Variants in HNRNPUL2 observed in about 807,000 individuals in gnomAD.
HNRNPUL2 encodes the protein heterogeneous nuclear ribonucleoprotein U-like protein 2.
A neutral mutation model predicts 102.2 loss-of-function variants in HNRNPUL2; 27 were observed. That is an observed-to-expected ratio of 0.26 (90% CI 0.19 to 0.36). HNRNPUL2 has a LOEUF of 0.36. Ranked by LOEUF, HNRNPUL2 falls within the 10% of genes least tolerant of loss-of-function variation. The probability of loss-of-function intolerance (pLI) is 1.00; values close to 1 mark genes in which losing one functional copy is unlikely to be tolerated. For missense variants in HNRNPUL2, 936 were observed against 981.1 expected (o/e 0.95, Z 0.61); for synonymous variants, 458 against 387.2 (o/e 1.18, Z -2.15).
Position 62,726,970 on chromosome 11 carries a change from G to T in HNRNPUL2, c.187C>A (p.Pro63Thr). ...PGGACKAEPR[P>T]VAASGGGPGG... ...GGGCCGCCGCCCGACGCGGCCACAG[G>T]CCGAGGCTCCGCCTTGCAGGCCCCG... Residue 63 changes from proline to threonine, a missense_variant, in exon 1 of 14, where the codon CCT becomes ACT. Around this residue, in one of 2 missense-constraint regions of HNRNPUL2, gnomAD observed 327 missense variants for 268.1 expected, o/e 1.22. Coordinates refer to ENST00000301785, the MANE Select transcript of HNRNPUL2 (RefSeq NM_001079559.3). 1 of 1,421,470 alleles carries T rather than the reference G, an allele frequency of 7.0e-7. No individual in the cohort carries two copies. The highest frequency in any genetic ancestry group is 9.2e-7 in the Non-Finnish European group (1 of 1,092,266). 88.1% of individuals were successfully genotyped at this position (1,421,470 alleles called of 1,614,324 possible). A position where few individuals can be genotyped will look rare whatever the true frequency, so the allele number is the denominator to read the frequency against.
chr11:62,715,987 C>A, intron 11 of HNRNPUL2, 50 bp from the exon 12 acceptor site: 1 of 1,438,522 alleles, frequency 7.0e-7, no homozygotes, highest in South Asian at 1.3e-5. Flanking sequence ...GGGGTCCTGG[C>A]TCCACATCTG....
chr11:62,724,927 T>C (rs1005046398), intron 1 of HNRNPUL2, among the ~76,000 whole-genome samples: 2 of 152,210 alleles, frequency 1.3e-5, no homozygotes, highest in African/African-American at 4.8e-5. Flanking sequence ...TCCATGGCTT[T>C]ATTCATGTGG....
chr11:62,726,106 G>C (rs2083743608), intron 1 of HNRNPUL2, among the ~76,000 whole-genome samples: 1 of 152,188 alleles, frequency 6.6e-6, no homozygotes, highest in Non-Finnish European at 1.5e-5. Flanking sequence ...ACAGCTCAAA[G>C]AGGAGCAAGG....
In HNRNPUL2 at chr11:62,715,910, T is replaced by C. The variant is rs1275381634; in HGVS notation, c.2009A>G (p.Asn670Ser). 37 of 1,611,760 alleles carry C rather than the reference T, an allele frequency of 2.3e-5. No homozygotes were observed. Among genetic ancestry groups the C allele is most frequent in the Non-Finnish European group, 3.0e-5 (35 of 1,178,984 alleles). ...CCAGTACTGCTGCCCGTAGGCCCGGTTGTCGTAGCCTCGGCGCTGCCCGCC... is the reference window on the plus strand; with the variant it reads ...CCAGTACTGCTGCCCGTAGGCCCGGCTGTCGTAGCCTCGGCGCTGCCCGCC... ...YVGGQRRGYDNRAYGQQYWGQ... is the reference protein window; with the variant it reads ...YVGGQRRGYDSRAYGQQYWGQ... The change falls in exon 12 of 14, where the codon AAC (asparagine) becomes AGC (serine). Residue 670 changes from asparagine (N) to serine (S), a missense_variant. This residue lies in a region of HNRNPUL2 where 609 missense variants were observed against 713.0 expected (regional missense o/e 0.85). Coordinates refer to ENST00000301785, the MANE Select transcript of HNRNPUL2 (RefSeq NM_001079559.3).
chr11:62,723,532 A>C, intron 4 of HNRNPUL2, 55 bp downstream of exon 4: 1 of 1,500,758 alleles, frequency 6.7e-7, no homozygotes, highest in Non-Finnish European at 9.0e-7. Flanking sequence ...CCCTCTAAGA[A>C]CCGTAAGCAT....
In HNRNPUL2 at chr11:62,724,981, G is replaced by A. The variant is rs977067330; in HGVS notation, c.539-555C>T. On this transcript the variant is annotated intron_variant, in intron 1 of 13. Transcript: ENST00000301785. ...TTATACACAGCTGTATTTTTATCAG[G>A]GACTTCTACTGAAAGTTGCAAGAGC... 5.3e-5 allele frequency among the ~76,000 whole-genome samples: 8 copies of A among 152,046 alleles called. 1 individual carries two copies. The East Asian group carries it at 1.5e-3, about 29-fold the overall frequency.
intron 12 of HNRNPUL2, 114 bp downstream of exon 12, chr11:62,715,750 T>C: frequency 8.5e-7 from 1 of 1,170,432 alleles, no homozygotes; most frequent in African/African-American, 1.5e-5. Context: ...CCAGAACATA[T>C]TAAATGGGCA....
chr11:62,716,187 C>T (rs2083658950), intron 11 of HNRNPUL2, among the ~76,000 whole-genome samples: 4 of 152,192 alleles, frequency 2.6e-5, no homozygotes, highest in Admixed American at 1.3e-4. Flanking sequence ...TCCTGCAAAA[C>T]ATTTAAGATG....
chr11:62,717,023 A>G lies in HNRNPUL2; in HGVS notation c.1947T>C (p.Arg649=). ...RTNRRNNRNK[R]NRQNRSRGQG... is the part of the protein sequence containing the mutation. ...GGCCCCGGCTTCGGTTCTGCCGGTT[A>G]CGCTTGTTTCGGTTGTTTCGGCGAT... The change falls in exon 11 of 14, where the codon CGT becomes CGC. Residue 649 remains arginine (R), a synonymous_variant. Coordinates refer to ENST00000301785, the MANE Select transcript of HNRNPUL2 (RefSeq NM_001079559.3). 1 of 1,613,352 alleles carries G rather than the reference A, an allele frequency of 6.2e-7. No individual in the cohort carries two copies. The highest frequency in any genetic ancestry group is 8.5e-7 in the Non-Finnish European group (1 of 1,179,936).
intron 10 of HNRNPUL2, among the ~76,000 whole-genome samples, chr11:62,718,979 C>A (rs2083680745): frequency 6.6e-6 from 1 of 152,014 alleles, no homozygotes; most frequent in Non-Finnish European, 1.5e-5. Flanking sequence ...CGCCCACCAC[C>A]ATGCCCGACT....
At chr11:62,723,446 G>T in intron 4 of HNRNPUL2, 141 bp downstream of exon 4, 1 of 826,692 alleles carries the variant, frequency 1.2e-6, no homozygotes, top group Non-Finnish European at 1.9e-6. Flanking sequence ...AGCCGAGATG[G>T]TGCCACTGGA....
At chr11:62,725,984 A>G (rs948586016) in intron 1 of HNRNPUL2, among the ~76,000 whole-genome samples, 1 of 152,226 alleles carries the variant, frequency 6.6e-6, no homozygotes, top group African/African-American at 2.4e-5. Flanking sequence ...TCCAAGCAAG[A>G]TAAAAACCCT....
Position 62,721,846 on chromosome 11 carries a change from C to G in HNRNPUL2, c.1456G>C (p.Ala486Pro). Residue 486 changes from alanine (A) to proline (P), a missense_variant, in exon 8 of 14, where the codon GCT becomes CCT. Coordinates refer to ENST00000301785, the MANE Select transcript of HNRNPUL2 (RefSeq NM_001079559.3). Reference sequence around the variant, plus strand: ...CTCATTTGATTGAGCACAGTCTCAGCTCCCAGGACATTGTATCTTTTCTCA... The same window carrying G: ...CTCATTTGATTGAGCACAGTCTCAGGTCCCAGGACATTGTATCTTTTCTCA... ...NPEKRYNVLGAETVLNQMRMK... is the reference protein window; with the variant it reads ...NPEKRYNVLGPETVLNQMRMK... The G allele has an allele frequency of 6.2e-7, 1 of 1,614,194 alleles. No homozygotes were observed. The highest frequency in any genetic ancestry group is 8.5e-7 in the Non-Finnish European group (1 of 1,180,024).
Position 62,721,823 on chromosome 11 carries a change from C to T in HNRNPUL2, c.1479G>A (p.Met493Ile), listed in dbSNP as rs1565162119. The change falls in exon 8 of 14, where the codon ATG becomes ATA. Residue 493 changes from methionine to isoleucine, a missense_variant. Met to Ile is a conservative substitution (Grantham distance 10, BLOSUM62 1). This residue lies in a region of HNRNPUL2 where 609 missense variants were observed against 713.0 expected (regional missense o/e 0.85). Coordinates refer to ENST00000301785, the MANE Select transcript of HNRNPUL2 (RefSeq NM_001079559.3). ...VLGAETVLNQ[M>I]RMKGLEEPEM... ...CAAATCCCCAACAGCAACTTACCCTCATTTGATTGAGCACAGTCTCAGCTC... is the reference window on the plus strand; with the variant it reads ...CAAATCCCCAACAGCAACTTACCCTTATTTGATTGAGCACAGTCTCAGCTC... The T allele has an allele frequency of 1.4e-5, 22 of 1,614,180 alleles. No homozygotes were observed. Among genetic ancestry groups the T allele is most frequent in the Non-Finnish European group, 1.7e-5 (20 of 1,180,002 alleles).
chr11:62,721,852 G>A lies in HNRNPUL2; in HGVS notation c.1450C>T (p.Leu484=). ...TGATTGAGCACAGTCTCAGCTCCCA[G>A]GACATTGTATCTTTTCTCAGGGTTT... ...KENPEKRYNV[L]GAETVLNQMR... is the part of the protein sequence containing the mutation. The change falls in exon 8 of 14, where the codon CTG becomes TTG. Residue 484 remains leucine (L), a synonymous_variant. Transcript: ENST00000301785. The A allele has an allele frequency of 6.2e-7, 1 of 1,614,182 alleles. No individual in the cohort carries two copies. The highest frequency in any genetic ancestry group is 8.5e-7 in the Non-Finnish European group (1 of 1,180,030).
rs1328343902 is a variant in HNRNPUL2, at chr11:62,721,156, C to A, written c.1611+139G>T. 7 of 730,108 alleles carry A rather than the reference C, an allele frequency of 9.6e-6. No individual in the cohort carries two copies. The East Asian group carries it at 2.1e-4, about 22-fold the overall frequency. 45.2% of individuals were successfully genotyped at this position (730,108 alleles called of 1,614,324 possible). Reference sequence around the variant, plus strand: ...CAAGTAAAAACACTAATTAGGGGTACCTCTGAGTTCAAAAAACATTGCAAC... The same window carrying A: ...CAAGTAAAAACACTAATTAGGGGTAACTCTGAGTTCAAAAAACATTGCAAC... On this transcript the variant is annotated intron_variant, in intron 9 of 13. Transcript: ENST00000301785.
At chr11:62,722,534 C>G (rs961439449) in intron 6 of HNRNPUL2, 67 bp downstream of exon 6, 1 of 1,438,082 alleles carries the variant, frequency 7.0e-7, no homozygotes, top group East Asian at 2.3e-5. Context: ...TGATGGGAAG[C>G]ACAAGTGAAT....
In HNRNPUL2 at chr11:62,713,538, T is replaced by TCTCC. The variant is rs1351499927; in HGVS notation, c.*1757_*1760dup. 2 of 152,178 alleles carry TCTCC rather than the reference T, an allele frequency of 1.3e-5. No individual in the cohort carries two copies. Among genetic ancestry groups the TCTCC allele is most frequent in the Non-Finnish European group, 2.9e-5 (2 of 68,062 alleles). The allele number at this position is 152,178 out of a possible 1,614,324, so 9.4% of individuals were successfully genotyped here. ...ACATGACTATGAGTAAGCAAACTTA[T>TCTCC]CTCCTACCAGCCCCATTCCAGCCTT... On this transcript the variant is annotated 3_prime_UTR_variant, in exon 14 of 14. Transcript: ENST00000301785.
Position 62,715,227 on chromosome 11 carries a change from T to G in HNRNPUL2, c.*72A>C. On this transcript the variant is annotated 3_prime_UTR_variant, in exon 14 of 14. Coordinates refer to ENST00000301785, the MANE Select transcript of HNRNPUL2 (RefSeq NM_001079559.3). ...CCCGACAGCCCCTGTTTTCCTTGGT[T>G]GTGTTTTGCGGGGGTGCCTGGCACC... The G allele has an allele frequency of 1.1e-6, 1 of 920,792 alleles. No individual in the cohort carries two copies. Among genetic ancestry groups the G allele is most frequent in the Non-Finnish European group, 1.6e-6 (1 of 643,564 alleles). The allele number at this position is 920,792 out of a possible 1,614,324, so 57.0% of individuals were successfully genotyped here.
Sources: gnomAD v4.1 joint callset for allele counts (sites outside exome capture counted in the v4.1 genomes callset) on GRCh38, gnomAD v4.1.1 for gene constraint, gnomAD v4.1.1 regional missense constraint, MANE v1.5 for transcripts, NCBI Gene and HGNC (gene_info 2026-07-23, HGNC 2026-07-21) for gene names.